The following TATDN2 variants were observed in gnomAD, a reference collection of about 807,000 sequenced individuals.
The protein encoded by TATDN2 is 3'-5' RNA nuclease TATDN2.
In TATDN2, 44 loss-of-function variants were observed where a neutral mutation model predicts 60.3. That is an observed-to-expected ratio of 0.73 (90% CI 0.57 to 0.94). TATDN2 has a LOEUF of 0.94. TATDN2 is among the 40% of genes least tolerant of loss of function. TATDN2 has a pLI of 0.00. For synonymous variants in TATDN2, 399 were observed against 355.8 expected (o/e 1.12, Z -1.37); for missense variants, 997 against 948.0 (o/e 1.05, Z -0.68).
At chr3:10,270,060 C>G in intron 3 of TATDN2, 71 bp from the exon 4 acceptor site, 1 of 1,537,854 alleles carries the variant, frequency 6.5e-7, no homozygotes, top group Non-Finnish European at 8.8e-7. Flanking sequence ...TTATGTTCAG[C>G]TGATGACAGC....
chr3:10,250,138 A>G (rs575633082), intron 2 of TATDN2, among the ~76,000 whole-genome samples: 22 of 150,078 alleles, frequency 1.5e-4, no homozygotes, highest in African/African-American at 5.4e-4. Flanking sequence ...CATAGTTTCC[A>G]GCATGTTGGG....
chr3:10,249,077 G>A lies in TATDN2; in HGVS notation c.-7+10G>A, dbSNP rs1038454850. The A allele has an allele frequency of 6.7e-6, 8 of 1,188,848 alleles. No individual in the cohort carries two copies. In the African/African-American group the frequency reaches 1.1e-4, roughly 16 times the overall value. The allele number at this position is 1,188,848 out of a possible 1,614,324, so 73.6% of individuals were successfully genotyped here. A position where few individuals can be genotyped will look rare whatever the true frequency, so the allele number is the denominator to read the frequency against. On this transcript the variant is annotated intron_variant, in intron 1 of 7. Coordinates refer to ENST00000448281, the MANE Select transcript of TATDN2 (RefSeq NM_014760.4). ...GAAAGAAGAGGGAAAGGTCAGTGAG[G>A]CTAGCCCCTGGCTCTGCCCTTATGT... is the stretch of plus-strand genomic sequence containing the variant.
In TATDN2 at chr3:10,278,744, T is replaced by C; in HGVS notation, c.2146-141T>C. On this transcript the variant is annotated intron_variant, in intron 6 of 7. Coordinates refer to ENST00000448281, the MANE Select transcript of TATDN2 (RefSeq NM_014760.4). This position sits in a 1 kb window ranked among gnomAD's most constrained non-coding sequence, Gnocchi z 4.7. ...CACCCAGAGCCCCCATGACTAGGAC[T>C]CTCCCTGCACCTGCAGGTAAAGGGG... is the stretch of plus-strand genomic sequence containing the variant. 2.3e-6 allele frequency: 3 copies of C among 1,310,596 alleles called. No homozygotes were observed. Among genetic ancestry groups the C allele is most frequent in the Non-Finnish European group, 3.2e-6 (3 of 934,634 alleles). 81.2% of individuals were successfully genotyped at this position (1,310,596 alleles called of 1,614,324 possible). A position where few individuals can be genotyped will look rare whatever the true frequency, so the allele number is the denominator to read the frequency against.
intron 3 of TATDN2, among the ~76,000 whole-genome samples, chr3:10,266,912 T>C (rs1413331699): frequency 1.3e-5 from 2 of 150,120 alleles, no homozygotes; most frequent in Non-Finnish European, 3.0e-5. Flanking sequence ...CCATACAGGC[T>C]TAAACTAACT....
intron 2 of TATDN2, among the ~76,000 whole-genome samples, chr3:10,252,280 A>G (rs1308134144): frequency 1.3e-5 from 2 of 151,372 alleles, no homozygotes; most frequent in East Asian, 3.9e-4. Flanking sequence ...GATTAGAGGC[A>G]TGAGCCACTG....
rs151305688 is a variant in TATDN2 at position 10,261,519 on chromosome 3, C to T, written c.948+849C>T. ...CTGAGTAGCTGGGATTACAGGTGTG[C>T]GCCACCAAACCGGCTAATTTTTGTA... On this transcript the variant is annotated intron_variant, in intron 3 of 7. Coordinates refer to ENST00000448281, the MANE Select transcript of TATDN2 (RefSeq NM_014760.4). Among the ~76,000 whole-genome samples the T allele has an allele frequency of 9.6e-3, 1,459 of 152,034 alleles. 17 individuals are homozygous for T. Among genetic ancestry groups the T allele is most frequent in the Non-Finnish European group, 0.015 (1,032 of 67,984 alleles).
At position 10,253,146 on chromosome 3, in the gene TATDN2, C is replaced by T. The variant is rs369303079; in HGVS notation, c.414+3532C>T. 5.4e-4 allele frequency among the ~76,000 whole-genome samples: 81 copies of T among 151,022 alleles called. No individual in the cohort carries two copies. The East Asian group carries it at 0.011, about 20-fold the overall frequency. ...TGCTGGGATTACAGGCGTGAACCAC[C>T]GCGCCTGGCCTGCCTGGCTAATTTT... On this transcript the variant is annotated intron_variant, in intron 2 of 7. Transcript: ENST00000448281.
chr3:10,259,168 C>T (rs754345325), intron 2 of TATDN2, among the ~76,000 whole-genome samples: 4 of 151,788 alleles, frequency 2.6e-5, no homozygotes, highest in Non-Finnish European at 5.9e-5. Flanking sequence ...CACCGCGCCC[C>T]GTGTGTTTTA....
rs1698383202 is a variant in TATDN2, at chr3:10,260,382, TGGA to T, written c.662_664del (p.Gly221del). 1.2e-6 allele frequency: 2 copies of T among 1,613,874 alleles called. No homozygotes were observed. Among genetic ancestry groups the T allele is most frequent in the African/African-American group, 2.7e-5 (2 of 74,846 alleles). On this transcript the variant is annotated inframe_deletion, in exon 3 of 8. Coordinates refer to ENST00000448281, the MANE Select transcript of TATDN2 (RefSeq NM_014760.4). ...CAAGCGCAGCAGAGCATCCCAGCCA[TGGA>T]GAAGGACCAGCCAGGAGTGAAGGAC...
At position 10,249,350 on chromosome 3, in the gene TATDN2, C is replaced by G; in HGVS notation, c.150C>G (p.Ser50Arg). The change falls in exon 2 of 8, where the codon AGC (serine) becomes AGG (arginine). Residue 50 changes from serine (S) to arginine (R), a missense_variant. Coordinates refer to ENST00000448281, the MANE Select transcript of TATDN2 (RefSeq NM_014760.4). Reference protein sequence around the residue: ...QRSASRSGGPSSPKRLKAQKE... With the variant: ...QRSASRSGGPRSPKRLKAQKE... Reference sequence around the variant, plus strand: ...CTGCGTCGCGTTCTGGAGGGCCCAGCAGCCCCAAGCGCCTGAAAGCCCAGA... The same window carrying G: ...CTGCGTCGCGTTCTGGAGGGCCCAGGAGCCCCAAGCGCCTGAAAGCCCAGA... 3 of 1,612,454 alleles carry G rather than the reference C, an allele frequency of 1.9e-6. No homozygotes were observed. The highest frequency in any genetic ancestry group is 1.7e-6 in the Non-Finnish European group (2 of 1,178,964).
At chr3:10,254,085 T>G (rs1698268549) in intron 2 of TATDN2, among the ~76,000 whole-genome samples, 2 of 152,182 alleles carry the variant, frequency 1.3e-5, no homozygotes, top group African/African-American at 2.4e-5. Flanking sequence ...GTGATAGAGC[T>G]TTTGCACATC....
rs1698539846 is a variant in TATDN2, at chr3:10,270,292, C to T, written c.1110C>T (p.Tyr370=). The T allele has an allele frequency of 6.2e-7, 1 of 1,614,196 alleles. No individual in the cohort carries two copies. The highest frequency in any genetic ancestry group is 1.1e-5 in the South Asian group (1 of 91,080). Residue 370 remains tyrosine, a synonymous_variant, in exon 4 of 8, where the codon TAC becomes TAT. Transcript: ENST00000448281. ...PSSFTTDYVM[Y]PPHLYSSPWC... ...CCTTCACCACCGACTATGTCATGTACCCTCCTCATTTGTACAGTAGTCCTT... is the reference window on the plus strand; with the variant it reads ...CCTTCACCACCGACTATGTCATGTATCCTCCTCATTTGTACAGTAGTCCTT...
Position 10,280,186 on chromosome 3 carries a change from A to G in TATDN2, c.*1004A>G, listed in dbSNP as rs373950455. 2.0e-5 allele frequency: 3 copies of G among 153,828 alleles called. No individual in the cohort carries two copies. Among genetic ancestry groups the G allele is most frequent in the African/African-American group, 4.8e-5 (2 of 41,450 alleles). 9.5% of individuals were successfully genotyped at this position (153,828 alleles called of 1,614,324 possible). A position where few individuals can be genotyped will look rare whatever the true frequency, so the allele number is the denominator to read the frequency against. ...CGAAGCTCTGCTGGGCAGCTCAGCC[A>G]TGTTACATTGTCTATGCAGAATAAG... On this transcript the variant is annotated 3_prime_UTR_variant, in exon 8 of 8. Coordinates refer to ENST00000448281, the MANE Select transcript of TATDN2 (RefSeq NM_014760.4).
intron 5 of TATDN2, among the ~76,000 whole-genome samples, chr3:10,277,530 T>C (rs1698656738): frequency 6.6e-6 from 1 of 152,170 alleles, no homozygotes; most frequent in African/African-American, 2.4e-5. Flanking sequence ...TAACAAGGAC[T>C]CTAGCACCCA....
intron 4 of TATDN2, among the ~76,000 whole-genome samples, chr3:10,271,627 C>T (rs1291431619): frequency 6.6e-6 from 1 of 151,774 alleles, no homozygotes; most frequent in African/African-American, 2.4e-5. Flanking sequence ...TTAAATATAC[C>T]CATTGCAGAA....
In TATDN2 at chr3:10,263,080, T is replaced by C. The variant is rs199785473; in HGVS notation, c.948+2410T>C. Among the ~76,000 whole-genome samples the C allele has an allele frequency of 5.3e-5, 8 of 152,210 alleles. No homozygotes were observed. In the East Asian group the frequency reaches 1.2e-3, roughly 22 times the overall value. On this transcript the variant is annotated intron_variant, in intron 3 of 7. Transcript: ENST00000448281. ...CACACCCGGCTAATTTTTGTATTTT[T>C]AGTAGAGATGGGGTTTCACCATTTT...
chr3:10,264,150 C>T (rs1375892946), intron 3 of TATDN2, among the ~76,000 whole-genome samples: 1 of 152,174 alleles, frequency 6.6e-6, no homozygotes, highest in East Asian at 1.9e-4. Flanking sequence ...AGGAGGGAAT[C>T]TGGGATCTAA....
chr3:10,251,855 ATTT>A (rs111556258), intron 2 of TATDN2, among the ~76,000 whole-genome samples: 1 of 148,828 alleles, frequency 6.7e-6, no homozygotes, highest in Non-Finnish European at 1.5e-5. Flanking sequence ...CAGATTAAAA[ATTT>A]TTTTTTTGGG....
Position 10,278,616 on chromosome 3 carries a change from C to T in TATDN2, c.2145+154C>T, listed in dbSNP as rs1359232211. The T allele has an allele frequency of 1.8e-6, 2 of 1,132,182 alleles. No homozygotes were observed. Among genetic ancestry groups the T allele is most frequent in the African/African-American group, 3.1e-5 (2 of 65,208 alleles). The allele number at this position is 1,132,182 out of a possible 1,614,324, so 70.1% of individuals were successfully genotyped here. A position where few individuals can be genotyped will look rare whatever the true frequency, so the allele number is the denominator to read the frequency against. On this transcript the variant is annotated intron_variant, in intron 6 of 7. Coordinates refer to ENST00000448281, the MANE Select transcript of TATDN2 (RefSeq NM_014760.4). The surrounding 1 kb of genome is among the most constrained non-coding windows in gnomAD (Gnocchi z 4.7). ...CCTCCTTGCTGTTACTCTGCAGAAC[C>T]AAAAGTCTAGGGGGCTGAGAAGCTG...
Sources: gnomAD v4.1 joint callset for allele counts (sites outside exome capture counted in the v4.1 genomes callset) on GRCh38, gnomAD v4.1.1 for gene constraint, Gnocchi (gnomAD v3.1) non-coding constraint, MANE v1.5 for transcripts, NCBI Gene and HGNC (gene_info 2026-07-23, HGNC 2026-07-21) for gene names.